Variants in LYZL4 observed in about 807,000 individuals in gnomAD.
LYZL4 encodes the protein lysozyme-like protein 4.
A neutral mutation model predicts 17.6 loss-of-function variants in LYZL4; 13 were observed. The ratio of observed to expected loss-of-function variants is 0.74; its 90% CI spans 0.48 to 1.18. LYZL4 has a LOEUF of 1.18. Ranked by LOEUF, LYZL4 falls within the 50% of genes most tolerant of loss-of-function variation. The pLI is 0.00. For synonymous variants in LYZL4, 64 were observed against 67.7 expected (o/e 0.95, Z 0.27); for missense variants, 174 against 188.2 (o/e 0.92, Z 0.44).
At chr3:42,406,550 C>T (rs1039753045) in intron 3 of LYZL4, among the ~76,000 whole-genome samples, 3 of 152,082 alleles carry the variant, frequency 2.0e-5, no homozygotes, top group East Asian at 1.9e-4. Context: ...TCTGCTCCCG[C>T]CCTTCAGGCT....
downstream of LYZL4, among the ~76,000 whole-genome samples, chr3:42,392,349 T>A (rs1698491604): frequency 6.6e-6 from 1 of 151,894 alleles, no homozygotes. Context: ...CTCAGTGAAC[T>A]AGGAAGCAGC....
the LYZL4 span, among the ~76,000 whole-genome samples, chr3:42,377,400 C>T: frequency 0.015 from 2,260 of 152,184 alleles, 56 homozygotes; most frequent in African/African-American, 0.052. Context: ...ATCCCCCAAG[C>T]AGTTCTTTGG....
intron 1 of LYZL4, 78 bp from the exon 2 acceptor site, chr3:42,407,421 T>TC: frequency 1.3e-6 from 1 of 791,138 alleles, no homozygotes; most frequent in Non-Finnish European, 2.0e-6. Context: ...TGACACTTCT[T>TC]CCCATCCTAA....
the LYZL4 span, among the ~76,000 whole-genome samples, chr3:42,375,390 C>T: frequency 5.3e-5 from 8 of 152,198 alleles, no homozygotes; most frequent in South Asian, 4.1e-4. Flanking sequence ...TAAAGACAGT[C>T]AAAAGTCAAG....
At chr3:42,371,993 G>A in the LYZL4 span, among the ~76,000 whole-genome samples, 11 of 152,204 alleles carry the variant, frequency 7.2e-5, no homozygotes, top group Non-Finnish European at 1.5e-4. Context: ...GTGGCCAGGA[G>A]GATTCTTAAA....
intron 1 of LYZL4, 39 bp from the exon 2 acceptor site, chr3:42,407,382 G>GA (rs1178403129): frequency 8.3e-7 from 1 of 1,197,710 alleles, no homozygotes; most frequent in Admixed American, 2.6e-5. Flanking sequence ...AGTGTCATCA[G>GA]AAAAATGGGA....
chr3:42,393,730 T>C (rs1428065572), downstream of LYZL4, among the ~76,000 whole-genome samples: 2 of 152,166 alleles, frequency 1.3e-5, no homozygotes, highest in Non-Finnish European at 2.9e-5. Flanking sequence ...TCTCTGGAAA[T>C]ATGGATTCAG....
chr3:42,372,768 A>G, the LYZL4 span, among the ~76,000 whole-genome samples: 1 of 152,248 alleles, frequency 6.6e-6, no homozygotes, highest in Non-Finnish European at 1.5e-5. Context: ...TGCTTTGGGC[A>G]GCAAGTTGCA....
the LYZL4 span, among the ~76,000 whole-genome samples, chr3:42,387,256 G>A: frequency 1.1e-4 from 17 of 152,132 alleles, no homozygotes; most frequent in Non-Finnish European, 1.9e-4. Context: ...TACCATGCCC[G>A]AGGTCAGGAA....
At chr3:42,364,591 C>T in the LYZL4 span, among the ~76,000 whole-genome samples, 47 of 151,934 alleles carry the variant, frequency 3.1e-4, no homozygotes, top group African/African-American at 8.7e-4. Context: ...GTGATCTGCC[C>T]GCCTCGGTCT....
chr3:42,385,112 T>C, the LYZL4 span, among the ~76,000 whole-genome samples: 3 of 152,126 alleles, frequency 2.0e-5, no homozygotes, highest in Non-Finnish European at 2.9e-5. Flanking sequence ...TTTCCTGTGA[T>C]AATTACTTTA....
chr3:42,398,411 A>G (rs1162161603), intron 4 of LYZL4, among the ~76,000 whole-genome samples: 1 of 152,258 alleles, frequency 6.6e-6, no homozygotes, highest in African/African-American at 2.4e-5. Context: ...CTTACTCTAA[A>G]GAATCAGCCA....
the LYZL4 span, among the ~76,000 whole-genome samples, chr3:42,386,407 C>CGG: frequency 4.5e-4 from 53 of 119,046 alleles, 3 homozygotes; most frequent in South Asian, 0.017. Flanking sequence ...CCCCCCCCCC[C>CGG]CCCCCGCCTC....
chr3:42,397,438 G>C, intron 4 of LYZL4, 104 bp from the exon 5 acceptor site: 1 of 753,526 alleles, frequency 1.3e-6, no homozygotes, highest in Non-Finnish European at 2.2e-6. Context: ...GCCCCTTGGA[G>C]CCTTTGAGTT....
At chr3:42,403,988 G>T in intron 4 of LYZL4, 58 bp downstream of exon 4, 2 of 1,256,480 alleles carry the variant, frequency 1.6e-6, no homozygotes, top group Non-Finnish European at 2.3e-6. Context: ...CCAAGATTCA[G>T]ATTAGAGATC....
Position 42,402,260 on chromosome 3 carries a change from A to T in LYZL4, c.371+1786T>A, listed in dbSNP as rs191128534. On this transcript the variant is annotated intron_variant, in intron 4 of 4. Coordinates refer to ENST00000287748, the MANE Select transcript of LYZL4 (RefSeq NM_144634.4). ...GTTCCAGGCTACAGTGAGCTATGATAATGCCACTGCACTCTAGCCAGGGTG... is the reference window on the plus strand; with the variant it reads ...GTTCCAGGCTACAGTGAGCTATGATTATGCCACTGCACTCTAGCCAGGGTG... Among the ~76,000 whole-genome samples, 603 of 151,434 alleles carry T rather than the reference A, an allele frequency of 4.0e-3. 1 individual carries two copies. The highest frequency in any genetic ancestry group is 0.021 in the Middle Eastern group (6 of 292).
rs745680392 is a variant in LYZL4, at chr3:42,397,145, T to C, written c.*120A>G. 6.9e-6 allele frequency: 5 copies of C among 727,992 alleles called. No individual in the cohort carries two copies. The highest frequency in any genetic ancestry group is 1.1e-5 in the Non-Finnish European group (5 of 444,856). 45.1% of individuals were successfully genotyped at this position (727,992 alleles called of 1,614,324 possible). On this transcript the variant is annotated 3_prime_UTR_variant, in exon 5 of 5. Transcript: ENST00000287748. ...CCCGGATGAAGCAAACTTTTGTCTTTTTCCATCTGGAACTCTTAAAGTGGT... is the reference window on the plus strand; with the variant it reads ...CCCGGATGAAGCAAACTTTTGTCTTCTTCCATCTGGAACTCTTAAAGTGGT...
intron 1 of LYZL4, 51 bp from the exon 2 acceptor site, chr3:42,407,394 T>A: frequency 9.6e-7 from 1 of 1,040,420 alleles, no homozygotes; most frequent in Non-Finnish European, 1.4e-6. Flanking sequence ...AAAATGGGAG[T>A]CTCACCTGGT....
chr3:42,409,517 T>C (rs776817965), intron 1 of LYZL4, among the ~76,000 whole-genome samples: 17 of 152,202 alleles, frequency 1.1e-4, no homozygotes, highest in Non-Finnish European at 7.3e-5. Context: ...GTAGAAGGCA[T>C]ACTGAGTCCT....
Sources: allele counts gnomAD v4.1 joint callset (sites outside exome capture counted in the v4.1 genomes callset), GRCh38; gene constraint gnomAD v4.1.1; transcripts MANE v1.5; gene names NCBI Gene and HGNC (gene_info 2026-07-23, HGNC 2026-07-21).